The following C11orf54 variants were observed in gnomAD, a reference collection of about 807,000 sequenced individuals.
C11orf54 encodes beta-keto-L-gulonate decarboxylase.
Under a neutral mutation model 35.5 loss-of-function variants are expected in C11orf54, and 29 were observed. That is an observed-to-expected ratio of 0.82 (90% CI 0.61 to 1.11). The LOEUF is 1.11. C11orf54 is among the 50% of genes most tolerant of loss of function. The pLI, the probability that C11orf54 is intolerant of heterozygous loss-of-function variation, is 0.00. For synonymous variants in C11orf54, 108 were observed against 121.1 expected, an observed-to-expected ratio of 0.89 and a Z score of 0.71; for missense variants, 373 against 369.2, an observed-to-expected ratio of 1.01 and a Z score of -0.08.
At position 93,762,333 on chromosome 11, in the gene C11orf54, T is replaced by C. The variant is rs1018575843; in HGVS notation, c.*645T>C. 3 of 152,250 alleles carry C rather than the reference T, an allele frequency of 2.0e-5. No homozygotes were observed. The highest frequency in any genetic ancestry group is 4.4e-5 in the Non-Finnish European group (3 of 68,042). 9.4% of individuals were successfully genotyped at this position (152,250 alleles called of 1,614,324 possible). A position where few individuals can be genotyped will look rare whatever the true frequency, so the allele number is the denominator to read the frequency against. ...AAAGAAAAATCAGTGTTTAGAAATG[T>C]TGATAGTTATTGAATCTTTGAATTG... On this transcript the variant is annotated 3_prime_UTR_variant, in exon 9 of 9. Coordinates refer to ENST00000354421, the MANE Select transcript of C11orf54 (RefSeq NM_001286069.2).
At chr11:93,761,122 G>A (rs1565277146) in intron 8 of C11orf54, among the ~76,000 whole-genome samples, 3 of 152,216 alleles carry the variant, frequency 2.0e-5, no homozygotes, top group South Asian at 2.1e-4. Flanking sequence ...ATACGCAATA[G>A]AATACCATGC....
intron 7 of C11orf54, among the ~76,000 whole-genome samples, chr11:93,758,183 G>A (rs1943254131): frequency 6.6e-6 from 1 of 152,172 alleles, no homozygotes; most frequent in Non-Finnish European, 1.5e-5. Context: ...AGGCACGGCT[G>A]AGGCTACACA....
At chr11:93,753,806 G>A in intron 4 of C11orf54, 51 bp downstream of exon 4, 1 of 1,586,692 alleles carries the variant, frequency 6.3e-7, no homozygotes. Context: ...AAGTTGGGTT[G>A]ATTACTGTGT....
At chr11:93,756,167 CAAAAAAAAAA>C (rs1210508995) in intron 6 of C11orf54, among the ~76,000 whole-genome samples, 2 of 27,014 alleles carry the variant, frequency 7.4e-5, no homozygotes, top group African/African-American at 1.0e-4. Context: ...ACTCTGTCTC[CAAAAAAAAAA>C]AAAAAAAAAA....
rs180770938 is a variant in C11orf54 at position 93,751,893 on chromosome 11, G to A, written c.154+1449G>A. Among the ~76,000 whole-genome samples the A allele has an allele frequency of 3.6e-3, 500 of 138,812 alleles. 2 individuals carry two copies. Among genetic ancestry groups the A allele is most frequent in the African/African-American group, 0.013 (471 of 37,284 alleles). The allele number at this position is 138,812 out of a possible 152,430, so 91.1% of individuals were successfully genotyped here. A position where few individuals can be genotyped will look rare whatever the true frequency, so the allele number is the denominator to read the frequency against. ...CTCGCTCTGTCGCCCAGACTGGAGTGTGGAGTACAGTGGCACAATCTTGGC... is the reference window on the plus strand; with the variant it reads ...CTCGCTCTGTCGCCCAGACTGGAGTATGGAGTACAGTGGCACAATCTTGGC... On this transcript the variant is annotated intron_variant, in intron 3 of 8. Coordinates refer to ENST00000354421, the MANE Select transcript of C11orf54 (RefSeq NM_001286069.2).
At chr11:93,743,071 G>A (rs1942220109) in intron 1 of C11orf54, among the ~76,000 whole-genome samples, 1 of 148,360 alleles carries the variant, frequency 6.7e-6, no homozygotes, top group African/African-American at 2.5e-5. Flanking sequence ...CCCGATCTCA[G>A]CTCACTGCAA....
Position 93,757,292 on chromosome 11 carries a change from TATGC to T in C11orf54, c.508-21_508-18del. 2 of 1,589,284 alleles carry T rather than the reference TATGC, an allele frequency of 1.3e-6. No individual in the cohort carries two copies. The highest frequency in any genetic ancestry group is 1.7e-6 in the Non-Finnish European group (2 of 1,176,286). ...AGTTATTTTGCAGCATAGTCAATGG[TATGC>T]ATCTTTATGTCCTCTATAGGTAATT... is the stretch of plus-strand genomic sequence containing the variant. On this transcript the variant is annotated intron_variant, in intron 6 of 8. Transcript: ENST00000354421.
chr11:93,757,138 G>A (rs552190647), intron 6 of C11orf54, among the ~76,000 whole-genome samples, 178 bp from the exon 7 acceptor site: 1 of 152,210 alleles, frequency 6.6e-6, no homozygotes, highest in South Asian at 2.1e-4. Flanking sequence ...GTGTGTGTGT[G>A]TGCATACATA....
intron 5 of C11orf54, among the ~76,000 whole-genome samples, chr11:93,754,717 C>A (rs1490762032): frequency 1.4e-5 from 2 of 146,856 alleles, no homozygotes; most frequent in Non-Finnish European, 3.0e-5. Flanking sequence ...TGTAAGAAAT[C>A]CAATAAATAT....
intron 7 of C11orf54, among the ~76,000 whole-genome samples, chr11:93,759,061 G>C (rs543442607): frequency 6.6e-6 from 1 of 152,208 alleles, no homozygotes; most frequent in African/African-American, 2.4e-5. Flanking sequence ...ACTGTTGGTG[G>C]GAGTGTAAAT....
chr11:93,746,447 C>G (rs538793269), intron 1 of C11orf54: 1 of 152,292 alleles, frequency 6.6e-6, no homozygotes, highest in East Asian at 1.9e-4. Flanking sequence ...TTTTATCTCC[C>G]TCTGGTTGCA....
intron 1 of C11orf54, among the ~76,000 whole-genome samples, chr11:93,743,944 T>C (rs535078517): frequency 3.3e-5 from 5 of 152,242 alleles, no homozygotes; most frequent in African/African-American, 1.2e-4. Flanking sequence ...ACCTAACTCC[T>C]TTCTCAGCTC....
intron 1 of C11orf54, 166 bp from the exon 2 acceptor site, chr11:93,747,131 A>G: frequency 3.8e-6 from 1 of 261,834 alleles, no homozygotes; most frequent in Non-Finnish European, 7.1e-6. Context: ...ATTAGTTTTA[A>G]ATTTTAAATT....
Position 93,753,762 on chromosome 11 carries a change from A to G in C11orf54, c.228+7A>G, listed in dbSNP as rs1049986422. The G allele has an allele frequency of 1.1e-5, 17 of 1,612,494 alleles. No homozygotes were observed. Among genetic ancestry groups the G allele is most frequent in the Non-Finnish European group, 1.4e-5 (17 of 1,179,066 alleles). On this transcript the variant is annotated splice_region_variant and intron_variant, in intron 4 of 8. Coordinates refer to ENST00000354421, the MANE Select transcript of C11orf54 (RefSeq NM_001286069.2). Reference sequence around the variant, plus strand: ...TCTTGTAAACCAAAAAAAAGTAAGTACTTTTACTCTGCATATTCACATGAA... The same window carrying G: ...TCTTGTAAACCAAAAAAAAGTAAGTGCTTTTACTCTGCATATTCACATGAA...
chr11:93,758,179 G>A (rs1374567020), intron 7 of C11orf54, among the ~76,000 whole-genome samples: 11 of 152,168 alleles, frequency 7.2e-5, no homozygotes, highest in Admixed American at 3.9e-4. Context: ...AGGGAGGCAC[G>A]GCTGAGGCTA....
rs775738134 is a variant in C11orf54, at chr11:93,759,802, T to G, written c.718T>G (p.Phe240Val). Residue 240 changes from phenylalanine to valine, a missense_variant, in exon 8 of 9, where the codon TTT (phenylalanine) becomes GTT (valine). Phe to Val is a conservative substitution (Grantham distance 50). Coordinates refer to ENST00000354421, the MANE Select transcript of C11orf54 (RefSeq NM_001286069.2). ...TGAAGAAGTGAATAAATGGTTGCAT[T>G]TTTATGAAATGAAAGCTCCTTTGGT... is the stretch of plus-strand genomic sequence containing the variant. ...SDEEVNKWLH[F>V]YEMKAPLVCL... 1 of 1,611,350 alleles carries G rather than the reference T, an allele frequency of 6.2e-7. No individual in the cohort carries two copies. Among genetic ancestry groups the G allele is most frequent in the Non-Finnish European group, 8.5e-7 (1 of 1,178,148 alleles).
chr11:93,754,347 T>A (rs1943012692), intron 5 of C11orf54, among the ~76,000 whole-genome samples: 1 of 152,332 alleles, frequency 6.6e-6, no homozygotes, highest in African/African-American at 2.4e-5. Context: ...AGCTTATCTA[T>A]AAATCTTTGC....
At chr11:93,751,039 G>T (rs959816389) in intron 3 of C11orf54, among the ~76,000 whole-genome samples, 2 of 152,174 alleles carry the variant, frequency 1.3e-5, no homozygotes, top group Non-Finnish European at 2.9e-5. Context: ...TAAGCTCAGT[G>T]TAAATCATAA....
chr11:93,752,966 G>T (rs190675189), intron 3 of C11orf54, among the ~76,000 whole-genome samples: 24 of 151,676 alleles, frequency 1.6e-4, no homozygotes, highest in Non-Finnish European at 2.9e-4. Context: ...CAGGATGGTC[G>T]CGATCTCCTG....
Sources: gnomAD v4.1 joint callset for allele counts (sites outside exome capture counted in the v4.1 genomes callset) on GRCh38, gnomAD v4.1.1 for gene constraint, MANE v1.5 for transcripts, NCBI Gene and HGNC (gene_info 2026-07-23, HGNC 2026-07-21) for gene names.